CNTN6: variants seen among roughly 807,000 people sequenced by gnomAD.
CNTN6 encodes the protein contactin-6.
Under a neutral mutation model 122.8 loss-of-function variants are expected in CNTN6, and 137 were observed. That is an observed-to-expected ratio of 1.12 (90% CI 0.97 to 1.29). The LOEUF (loss-of-function observed/expected upper bound fraction) is 1.29. CNTN6 is among the 50% of genes most tolerant of loss of function. The probability of loss-of-function intolerance (pLI) is 0.00; values close to 1 mark genes in which losing one functional copy is unlikely to be tolerated. For missense variants in CNTN6, 1,634 were observed against 1,223.4 expected (o/e 1.34, Z -5.01); for synonymous variants, 570 against 426.0 (o/e 1.34, Z -4.16).
At chr3:1,177,165 GA>G (rs2093466488) in intron 2 of CNTN6, among the ~76,000 whole-genome samples, 1 of 152,120 alleles carries the variant, frequency 6.6e-6, no homozygotes, top group African/African-American at 2.4e-5. Flanking sequence ...AAAATGTGAG[GA>G]AAATGTTCTA....
chr3:1,382,004 C>A (rs1691967799), intron 17 of CNTN6, among the ~76,000 whole-genome samples: 2 of 151,812 alleles, frequency 1.3e-5, no homozygotes, highest in South Asian at 4.2e-4. Flanking sequence ...AATGGACTCC[C>A]ATGAATAAAG....
At chr3:1,399,358 T>G (rs1431556261) in intron 20 of CNTN6, among the ~76,000 whole-genome samples, 1 of 152,150 alleles carries the variant, frequency 6.6e-6, no homozygotes, top group African/African-American at 2.4e-5. Context: ...AAATAATTCT[T>G]GCTGCCATTC....
chr3:1,215,388 C>T (rs1232364923), intron 2 of CNTN6, among the ~76,000 whole-genome samples: 1 of 152,174 alleles, frequency 6.6e-6, no homozygotes, highest in Non-Finnish European at 1.5e-5. Context: ...CATCTCAAAA[C>T]ATTATAGCAG....
chr3:1,200,946 TC>T (rs532857091), intron 2 of CNTN6, among the ~76,000 whole-genome samples: 1 of 151,412 alleles, frequency 6.6e-6, no homozygotes, highest in South Asian at 2.1e-4. Context: ...TTTTTTTTTT[TC>T]CCAAGGTCTG....
At chr3:1,135,021 C>T (rs1039928025) in intron 1 of CNTN6, among the ~76,000 whole-genome samples, 2 of 152,018 alleles carry the variant, frequency 1.3e-5, no homozygotes, top group Non-Finnish European at 1.5e-5. Flanking sequence ...GTTGGACCCC[C>T]ATGCCCCATA....
intron 6 of CNTN6, among the ~76,000 whole-genome samples, chr3:1,296,979 T>C (rs1696342330): frequency 6.6e-6 from 1 of 151,694 alleles, no homozygotes; most frequent in Admixed American, 6.6e-5. Context: ...ATATATAATA[T>C]AAAAATCAAA....
chr3:1,130,366 G>C (rs2092304988), intron 1 of CNTN6, among the ~76,000 whole-genome samples: 1 of 152,034 alleles, frequency 6.6e-6, no homozygotes, highest in Non-Finnish European at 1.5e-5. Context: ...CCTGACTGAA[G>C]GCTATTTTCT....
At chr3:1,106,286 GC>G (rs2091217599) in intron 1 of CNTN6, among the ~76,000 whole-genome samples, 1 of 152,084 alleles carries the variant, frequency 6.6e-6, no homozygotes, top group African/African-American at 2.4e-5. Context: ...TATATAACTT[GC>G]TTTTCCAGAT....
At chr3:1,266,937 G>T (rs2094935020) in intron 4 of CNTN6, among the ~76,000 whole-genome samples, 1 of 149,578 alleles carries the variant, frequency 6.7e-6, no homozygotes, top group Admixed American at 6.6e-5. Flanking sequence ...GAAGCCAGTG[G>T]TCAGCCTGGC....
intron 1 of CNTN6, among the ~76,000 whole-genome samples, chr3:1,122,750 G>A (rs115997929): frequency 1.3e-5 from 2 of 151,750 alleles, no homozygotes; most frequent in Non-Finnish European, 2.9e-5. Context: ...TATTTTCAAG[G>A]TTTATCTACG....
At chr3:1,328,415 A>G (rs911494511) in intron 10 of CNTN6, among the ~76,000 whole-genome samples, 2 of 151,750 alleles carry the variant, frequency 1.3e-5, no homozygotes, top group African/African-American at 4.8e-5. Flanking sequence ...AAACAACAAG[A>G]CACAAAGTTT....
chr3:1,292,396 T>A (rs549589753), intron 5 of CNTN6, among the ~76,000 whole-genome samples: 1 of 152,298 alleles, frequency 6.6e-6, no homozygotes, highest in Admixed American at 6.5e-5. Flanking sequence ...ATAAACTTGA[T>A]ATTTTTAATT....
At position 1,384,333 on chromosome 3, in the gene CNTN6, C is replaced by G. The variant is rs1261468313; in HGVS notation, c.2517+925C>G. Among the ~76,000 whole-genome samples the G allele has an allele frequency of 2.7e-5, 4 of 148,602 alleles. No individual in the cohort carries two copies. The East Asian group carries it at 7.7e-4, about 29-fold the overall frequency. On this transcript the variant is annotated intron_variant, in intron 19 of 22. Coordinates refer to ENST00000446702, the MANE Select transcript of CNTN6 (RefSeq NM_001289080.2). ...GAGGTGAAGTCTGCTCCTCAATCATCTTACACCATGGAAGAATTTCATTGA... is the reference window on the plus strand; with the variant it reads ...GAGGTGAAGTCTGCTCCTCAATCATGTTACACCATGGAAGAATTTCATTGA...
intron 4 of CNTN6, among the ~76,000 whole-genome samples, chr3:1,245,266 T>TATATAAC (rs1559596600): frequency 0.011 from 55 of 5,106 alleles, 6 homozygotes; most frequent in African/African-American, 0.015. Flanking sequence ...AACATATATA[T>TATATAAC]ATATATATAC....
At chr3:1,260,305 C>T (rs1007545299) in intron 4 of CNTN6, among the ~76,000 whole-genome samples, 3 of 151,998 alleles carry the variant, frequency 2.0e-5, no homozygotes, top group African/African-American at 2.4e-5. Context: ...ATGGGGGTTC[C>T]GATTCAAAAC....
intron 5 of CNTN6, among the ~76,000 whole-genome samples, chr3:1,287,034 A>G (rs538085750): frequency 1.3e-5 from 2 of 152,318 alleles, no homozygotes; most frequent in Admixed American, 6.5e-5. Flanking sequence ...TCCTAAATAT[A>G]TATGCACCCA....
At chr3:1,198,574 T>C (rs1490487017) in intron 2 of CNTN6, among the ~76,000 whole-genome samples, 1 of 151,944 alleles carries the variant, frequency 6.6e-6, no homozygotes, top group African/African-American at 2.4e-5. Flanking sequence ...AATACAAAAT[T>C]AGCCAGTCAT....
chr3:1,137,290 T>C (rs36093018), intron 1 of CNTN6, among the ~76,000 whole-genome samples: 2,875 of 152,346 alleles, frequency 0.019, 36 homozygotes, highest in Middle Eastern at 0.031. Context: ...ATATTTGTTG[T>C]TGTTAATGCC....
In CNTN6 at chr3:1,364,018, C is replaced by G. The variant is rs545443993; in HGVS notation, c.1493-8281C>G. 7.9e-5 allele frequency among the ~76,000 whole-genome samples: 12 copies of G among 151,992 alleles called. No individual in the cohort carries two copies. In the East Asian group the frequency reaches 2.1e-3, roughly 27 times the overall value. ...TTGCCTGATGATTTATGATGTTGAG[C>G]ACATTTTCACATACCTATTGGCTAT... On this transcript the variant is annotated intron_variant, in intron 12 of 22. Transcript: ENST00000446702.
Sources: allele counts gnomAD v4.1 joint callset (sites outside exome capture counted in the v4.1 genomes callset), GRCh38; gene constraint gnomAD v4.1.1; transcripts MANE v1.5; gene names NCBI Gene and HGNC (gene_info 2026-07-23, HGNC 2026-07-21).